ELL: variants seen among roughly 807,000 people sequenced by gnomAD.
The protein encoded by ELL is RNA polymerase II elongation factor ELL.
Under a neutral mutation model 64.0 loss-of-function variants are expected in ELL, and 18 were observed. The ratio of observed to expected loss-of-function variants is 0.28; its 90% CI spans 0.19 to 0.42. The LOEUF (loss-of-function observed/expected upper bound fraction) is 0.42. Among genes scored for constraint, ELL ranks in the 10% least tolerant of loss-of-function variants. The probability of loss-of-function intolerance (pLI) is 1.00; values close to 1 mark genes in which losing one functional copy is unlikely to be tolerated. For missense variants in ELL, 797 were observed against 870.4 expected (o/e 0.92, Z 1.06); for synonymous variants, 399 against 376.2 (o/e 1.06, Z -0.70).
chr19:18,497,004 A>C (rs1975668588), intron 1 of ELL, among the ~76,000 whole-genome samples: 1 of 152,148 alleles, frequency 6.6e-6, no homozygotes, highest in African/African-American at 2.4e-5. Context: ...CTAAACTAAC[A>C]TACTCTCACC....
intron 1 of ELL, among the ~76,000 whole-genome samples, chr19:18,484,339 C>A (rs145402785): frequency 6.4e-4 from 98 of 152,260 alleles, no homozygotes; most frequent in African/African-American, 2.3e-3. Context: ...GTGGCAGGTG[C>A]CTGAAATTCC....
chr19:18,510,728 G>A (rs1976001061), intron 1 of ELL, among the ~76,000 whole-genome samples: 3 of 152,196 alleles, frequency 2.0e-5, no homozygotes, highest in Non-Finnish European at 2.9e-5. Context: ...GGGCAAGGAC[G>A]TGGCGAAACC....
chr19:18,505,740 CT>C (rs1975872235), intron 1 of ELL, among the ~76,000 whole-genome samples: 1 of 152,146 alleles, frequency 6.6e-6, no homozygotes, highest in East Asian at 1.9e-4. Context: ...TTGTGTTCCC[CT>C]GATGTCCTGG....
Position 18,444,618 on chromosome 19 carries a change from G to C in ELL, c.*134C>G. 3.1e-6 allele frequency: 3 copies of C among 972,554 alleles called. No individual in the cohort carries two copies. The highest frequency in any genetic ancestry group is 4.5e-6 in the Non-Finnish European group (3 of 668,448). The allele number at this position is 972,554 out of a possible 1,614,324, so 60.2% of individuals were successfully genotyped here. Reference sequence around the variant, plus strand: ...AGCCACCCGCCAGGGCCAGACGTCTGCAGGGGCTGCCCTGAAAGCCGGCGG... The same window carrying C: ...AGCCACCCGCCAGGGCCAGACGTCTCCAGGGGCTGCCCTGAAAGCCGGCGG... On this transcript the variant is annotated 3_prime_UTR_variant, in exon 12 of 12. Coordinates refer to ENST00000262809, the MANE Select transcript of ELL (RefSeq NM_006532.4).
intron 1 of ELL, among the ~76,000 whole-genome samples, chr19:18,509,419 C>T (rs1395259074): frequency 6.6e-6 from 1 of 152,098 alleles, no homozygotes; most frequent in Non-Finnish European, 1.5e-5. Flanking sequence ...CTTTGGGTTC[C>T]TGGTGGGGAG....
chr19:18,516,553 G>A (rs1461904809), intron 1 of ELL, among the ~76,000 whole-genome samples: 1 of 131,996 alleles, frequency 7.6e-6, no homozygotes, highest in Non-Finnish European at 1.5e-5. Flanking sequence ...ATCACTGGTG[G>A]GTATCCCGCC....
chr19:18,445,045 G>C (rs1011285521), intron 11 of ELL, among the ~76,000 whole-genome samples, 177 bp from the exon 12 acceptor site: 4 of 152,208 alleles, frequency 2.6e-5, no homozygotes, highest in African/African-American at 9.7e-5. Flanking sequence ...TGTGTGGCTG[G>C]GCCAGGATGC....
At position 18,509,646 on chromosome 19, in the gene ELL, C is replaced by T. The variant is rs962559930; in HGVS notation, c.135+12275G>A. Among the ~76,000 whole-genome samples the T allele has an allele frequency of 4.0e-5, 6 of 148,620 alleles. No homozygotes were observed. The South Asian group carries it at 1.1e-3, about 26-fold the overall frequency. On this transcript the variant is annotated intron_variant, in intron 1 of 11. Coordinates refer to ENST00000262809, the MANE Select transcript of ELL (RefSeq NM_006532.4). ...ACACACACACACACACACACACACACACACACACACACTCCCCTCCCCAAC... is the reference window on the plus strand; with the variant it reads ...ACACACACACACACACACACACACATACACACACACACTCCCCTCCCCAAC...
intron 2 of ELL, chr19:18,471,105 G>T (rs760417709): frequency 4.8e-6 from 2 of 414,674 alleles, no homozygotes; most frequent in Non-Finnish European, 9.5e-6. Flanking sequence ...GGGTGCAGTG[G>T]CTCACACCTG....
chr19:18,481,168 C>G (rs567147594), intron 1 of ELL, among the ~76,000 whole-genome samples: 23 of 152,248 alleles, frequency 1.5e-4, no homozygotes, highest in African/African-American at 5.3e-4. Context: ...CTCAGCAATC[C>G]TGGATCTGTT....
chr19:18,491,780 G>T (rs1975538920), intron 1 of ELL, among the ~76,000 whole-genome samples: 1 of 152,146 alleles, frequency 6.6e-6, no homozygotes, highest in Non-Finnish European at 1.5e-5. Flanking sequence ...AGCTGGGTGT[G>T]ATGGCACACA....
intron 8 of ELL, 42 bp downstream of exon 8, chr19:18,450,435 G>C: frequency 6.3e-7 from 1 of 1,592,388 alleles, no homozygotes; most frequent in Non-Finnish European, 8.6e-7. Flanking sequence ...TGTGGGGCCA[G>C]TACTTAGAGC....
At chr19:18,480,585 A>G (rs957333131) in intron 1 of ELL, among the ~76,000 whole-genome samples, 3 of 152,346 alleles carry the variant, frequency 2.0e-5, no homozygotes, top group African/African-American at 7.2e-5. Context: ...AGGGACTCCA[A>G]CTGGCTACAA....
Position 18,501,457 on chromosome 19 carries a change from A to T in ELL, c.135+20464T>A, listed in dbSNP as rs1975778603. Among the ~76,000 whole-genome samples, 1 of 152,242 alleles carries T rather than the reference A, an allele frequency of 6.6e-6. No homozygotes were observed. The highest frequency in any genetic ancestry group is 1.5e-5 in the Non-Finnish European group (1 of 68,042). ...CCTCAACAATGAGGCGGACCCTCCA[A>T]CGTGCCTCACACTTCAAGGCAGCTC... On this transcript the variant is annotated intron_variant, in intron 1 of 11. Transcript: ENST00000262809. This position sits in a 1 kb window ranked among gnomAD's most constrained non-coding sequence, Gnocchi z 4.5.
chr19:18,469,642 T>C (rs566923749), intron 2 of ELL, among the ~76,000 whole-genome samples: 1 of 152,198 alleles, frequency 6.6e-6, no homozygotes, highest in African/African-American at 2.4e-5. Flanking sequence ...GGAGTTGCCA[T>C]AAACCTAAGC....
rs190651323 is a variant in ELL at position 18,511,303 on chromosome 19, G to A, written c.135+10618C>T. Among the ~76,000 whole-genome samples the A allele has an allele frequency of 7.0e-3, 1,072 of 152,078 alleles. 13 individuals carry two copies. Among genetic ancestry groups the A allele is most frequent in the African/African-American group, 0.025 (1,018 of 41,486 alleles). ...AAATTAACTTGGCGTGGTGGTGGGCGCCTGTAATCCCAGCTACTTGGGAGG... is the reference window on the plus strand; with the variant it reads ...AAATTAACTTGGCGTGGTGGTGGGCACCTGTAATCCCAGCTACTTGGGAGG... On this transcript the variant is annotated intron_variant, in intron 1 of 11. Coordinates refer to ENST00000262809, the MANE Select transcript of ELL (RefSeq NM_006532.4).
chr19:18,447,429 G>T (rs572614340), intron 8 of ELL, among the ~76,000 whole-genome samples: 1 of 152,248 alleles, frequency 6.6e-6, no homozygotes, highest in Non-Finnish European at 1.5e-5. Context: ...GGCAGCTCCA[G>T]GACAGGGCCA....
rs1210664534 is a variant in ELL, at chr19:18,446,605, T to C, written c.1533-125A>G. On this transcript the variant is annotated intron_variant, in intron 9 of 11. Transcript: ENST00000262809. ...TGATTCCCTGGATTATGAGGGGGCC[T>C]GGCCCAGAAGAGGCTGCTATGTTTG... 9 of 1,493,512 alleles carry C rather than the reference T, an allele frequency of 6.0e-6. No homozygotes were observed. In the African/African-American group the frequency reaches 1.1e-4, roughly 18 times the overall value. The allele number at this position is 1,493,512 out of a possible 1,614,324, so 92.5% of individuals were successfully genotyped here.
At chr19:18,472,448 A>G in intron 2 of ELL, 1 of 233,596 alleles carries the variant, frequency 4.3e-6, no homozygotes, top group Non-Finnish European at 8.3e-6. Context: ...TAACAGGCTC[A>G]GCTGACAGGA....
Sources: gnomAD v4.1 joint callset for allele counts (sites outside exome capture counted in the v4.1 genomes callset) on GRCh38, gnomAD v4.1.1 for gene constraint, Gnocchi (gnomAD v3.1) non-coding constraint, MANE v1.5 for transcripts, NCBI Gene and HGNC (gene_info 2026-07-23, HGNC 2026-07-21) for gene names.